PCP2: variants seen among roughly 807,000 people sequenced by gnomAD.
The protein encoded by PCP2 is Purkinje cell protein 2 homolog.
A neutral mutation model predicts 18.3 loss-of-function variants in PCP2; 21 were observed. That is an observed-to-expected ratio of 1.14 (90% CI 0.81 to 1.65). PCP2 has a LOEUF of 1.65. Among genes scored for constraint, PCP2 ranks in the 40% most tolerant of loss-of-function variants. The probability of loss-of-function intolerance (pLI) is 0.00; values close to 1 mark genes in which losing one functional copy is unlikely to be tolerated. For synonymous variants in PCP2, 85 were observed against 77.6 expected, an observed-to-expected ratio of 1.10 and a Z score of -0.50; for missense variants, 202 against 201.8, an observed-to-expected ratio of 1.00 and a Z score of 0.00.
At position 7,632,750 on chromosome 19, in the gene PCP2, T is replaced by G. The variant is rs1163001222; in HGVS notation, c.132A>C (p.Ser44=). 1 of 1,566,268 alleles carries G rather than the reference T, an allele frequency of 6.4e-7. No homozygotes were observed. The highest frequency in any genetic ancestry group is 8.6e-7 in the Non-Finnish European group (1 of 1,160,446). The change falls in exon 2 of 4, where the codon TCA becomes TCC. Residue 44 remains serine, a synonymous_variant. Transcript: ENST00000311069. The surrounding 1 kb of genome is among the most constrained non-coding windows in gnomAD (Gnocchi z 5.2). The part of the protein sequence containing the change: ...QGDRMEGQRC[S]LQAGPGQTTK... ...TGGTCTGGCCCGGCCCGGCTTGCAG[T>G]GAACAGCGCTGTCCCTCCATCCGGT...
In PCP2 at chr19:7,632,416, C is replaced by CG; in HGVS notation, c.267dup (p.Gly90ArgfsTer51). The stretch of plus-strand genomic sequence containing the variant: ...ACCTTGGACCCCACGGGCTGGAAGC[C>CG]GGGCAGGCTGCTGACTGTCACACGT... On this transcript the variant is annotated frameshift_variant, in exon 3 of 4. Transcript: ENST00000311069. LOFTEE classifies it high-confidence loss of function. The surrounding 1 kb of genome is among the most constrained non-coding windows in gnomAD (Gnocchi z 5.2). 6.2e-7 allele frequency: 1 copy of CG among 1,613,920 alleles called. No homozygotes were observed. Among genetic ancestry groups the CG allele is most frequent in the African/African-American group, 1.3e-5 (1 of 75,008 alleles).
upstream of PCP2, among the ~76,000 whole-genome samples, chr19:7,635,113 G>C (rs540492392): frequency 7.0e-4 from 106 of 152,320 alleles, no homozygotes; most frequent in African/African-American, 2.5e-3. Flanking sequence ...TTGGGGGTTA[G>C]TGGTGGGGTG....
chr19:7,632,631 G>A lies in PCP2; in HGVS notation c.166+85C>T. ...TGCACAACCACCTCCCACATCCCGT[G>A]CCCCCAGGCCCTCCAGATGACCACT... On this transcript the variant is annotated intron_variant, in intron 2 of 3. Transcript: ENST00000311069. This position sits in a 1 kb window ranked among gnomAD's most constrained non-coding sequence, Gnocchi z 5.2. The A allele has an allele frequency of 6.4e-7, 1 of 1,573,762 alleles. No individual in the cohort carries two copies. Among genetic ancestry groups the A allele is most frequent in the Non-Finnish European group, 8.6e-7 (1 of 1,161,938 alleles).
rs748516688 is a variant in PCP2 at position 7,633,288 on chromosome 19, A to G, written c.51+119T>C. ...CCACCAGCCCCTTTCTACAGCCACA[A>G]CTGGGTCAGGGGGTCCTAGGAGACT... On this transcript the variant is annotated intron_variant, in intron 1 of 3. Transcript: ENST00000311069. 106 of 1,067,026 alleles carry G rather than the reference A, an allele frequency of 9.9e-5. 1 individual carries two copies. In the Middle Eastern group the frequency reaches 3.5e-3, roughly 35 times the overall value. 66.1% of individuals were successfully genotyped at this position (1,067,026 alleles called of 1,614,324 possible). A position where few individuals can be genotyped will look rare whatever the true frequency, so the allele number is the denominator to read the frequency against.
upstream of PCP2, among the ~76,000 whole-genome samples, chr19:7,635,199 C>T (rs1457733516): frequency 5.3e-5 from 8 of 152,196 alleles, no homozygotes; most frequent in Admixed American, 5.2e-4. Flanking sequence ...TCCATCCCCC[C>T]AGGATCTGGA....
chr19:7,633,540 G>A lies in PCP2; in HGVS notation c.-83C>T, dbSNP rs941320296. The stretch of plus-strand genomic sequence containing the variant: ...GGCCTTTTAAACGTCCAGGACGTGG[G>A]GGTGTGGATTCCCCCCATCCCCAAA... On this transcript the variant is annotated 5_prime_UTR_variant, in exon 1 of 4. Transcript: ENST00000311069. 2.9e-6 allele frequency: 4 copies of A among 1,379,926 alleles called. No homozygotes were observed. Among genetic ancestry groups the A allele is most frequent in the African/African-American group, 1.4e-5 (1 of 69,750 alleles). 85.5% of individuals were successfully genotyped at this position (1,379,926 alleles called of 1,614,324 possible).
chr19:7,632,400 C>A lies in PCP2; in HGVS notation c.284G>T (p.Gly95Val). ...VSSLPGFQPV[G>V]SKDGAQKRAG... ...CGCCAGAACATCACCTACCTTGGAC[C>A]CCACGGGCTGGAAGCCGGGCAGGCT... Residue 95 changes from glycine to valine, a missense_variant, in exon 3 of 4, where the codon GGG becomes GTG. Gly to Val is a moderately radical substitution (Grantham distance 109). Coordinates refer to ENST00000311069, the MANE Select transcript of PCP2 (RefSeq NM_174895.3). The surrounding 1 kb of genome is among the most constrained non-coding windows in gnomAD (Gnocchi z 5.2). 6.2e-7 allele frequency: 1 copy of A among 1,613,928 alleles called. No individual in the cohort carries two copies.
At chr19:7,634,865 C>T (rs1337849128), upstream of PCP2, among the ~76,000 whole-genome samples, 4 of 152,170 alleles carry the variant, frequency 2.6e-5, no homozygotes, top group Non-Finnish European at 4.4e-5. Flanking sequence ...TCCCTGCCTC[C>T]GTGGTCACAT....
chr19:7,636,958 G>A, upstream of PCP2: 2 of 484,784 alleles, frequency 4.1e-6, no homozygotes, highest in Non-Finnish European at 6.5e-6. Context: ...TCGGCAGCGC[G>A]GACGCACCTG....
Position 7,631,734 on chromosome 19 carries a change from G to A in PCP2, c.366C>T (p.Gly122=). 6.9e-7 allele frequency: 1 copy of A among 1,448,086 alleles called. No homozygotes were observed. The highest frequency in any genetic ancestry group is 1.6e-5 in the South Asian group (1 of 63,822). The allele number at this position is 1,448,086 out of a possible 1,614,324, so 89.7% of individuals were successfully genotyped here. ...LLTPQDPTAL[G]FRRNSSPQPP... Reference sequence around the variant, plus strand: ...GCTGGGGGCTGCTGTTCCGACGGAAGCCGAGAGCGGTCGGGTCCTGAGGGG... The same window carrying A: ...GCTGGGGGCTGCTGTTCCGACGGAAACCGAGAGCGGTCGGGTCCTGAGGGG... Residue 122 remains glycine, a synonymous_variant, in exon 4 of 4, where the codon GGC becomes GGT. Coordinates refer to ENST00000311069, the MANE Select transcript of PCP2 (RefSeq NM_174895.3).
At position 7,633,201 on chromosome 19, in the gene PCP2, A is replaced by G. The variant is rs60073905; in HGVS notation, c.51+206T>C. Reference sequence around the variant, plus strand: ...CCCCAGGTCCCAGCATCTCCCATCAATAGGGGTCCACACGGAGAGCCCTGC... The same window carrying G: ...CCCCAGGTCCCAGCATCTCCCATCAGTAGGGGTCCACACGGAGAGCCCTGC... On this transcript the variant is annotated intron_variant, in intron 1 of 3. Coordinates refer to ENST00000311069, the MANE Select transcript of PCP2 (RefSeq NM_174895.3). Among the ~76,000 whole-genome samples, 499 of 152,284 alleles carry G rather than the reference A, an allele frequency of 3.3e-3. 4 individuals carry two copies. Among genetic ancestry groups the G allele is most frequent in the African/African-American group, 0.011 (462 of 41,562 alleles).
upstream of PCP2, among the ~76,000 whole-genome samples, chr19:7,634,851 T>C (rs929677155): frequency 1.3e-5 from 2 of 152,174 alleles, no homozygotes; most frequent in African/African-American, 4.8e-5. Context: ...CTGCAGCTCT[T>C]CACTCCCTGC....
chr19:7,633,391 G>A lies in PCP2; in HGVS notation c.51+16C>T, dbSNP rs1014318355. ...GACCTTGAGCTGGGGGTGGGGTGGG[G>A]GCAGGGCCCTCTCACCTCGGCACAG... is the stretch of plus-strand genomic sequence containing the variant. On this transcript the variant is annotated intron_variant, in intron 1 of 3. Coordinates refer to ENST00000311069, the MANE Select transcript of PCP2 (RefSeq NM_174895.3). 33 of 1,563,686 alleles carry A rather than the reference G, an allele frequency of 2.1e-5. No individual in the cohort carries two copies. Among genetic ancestry groups the A allele is most frequent in the Admixed American group, 9.5e-5 (5 of 52,620 alleles).
chr19:7,632,101 C>T lies in PCP2; in HGVS notation c.291+292G>A, dbSNP rs1245839256. 14 of 565,066 alleles carry T rather than the reference C, an allele frequency of 2.5e-5. No homozygotes were observed. Among genetic ancestry groups the T allele is most frequent in the South Asian group, 7.6e-5 (3 of 39,624 alleles). 35.0% of individuals were successfully genotyped at this position (565,066 alleles called of 1,614,324 possible). On this transcript the variant is annotated intron_variant, in intron 3 of 3. Transcript: ENST00000311069. This position sits in a 1 kb window ranked among gnomAD's most constrained non-coding sequence, Gnocchi z 5.2. ...TGTGTGAGCTTACGTGACTTCCTCCCTGGGATACTTTCCTAGGAAGGGGTC... is the reference window on the plus strand; with the variant it reads ...TGTGTGAGCTTACGTGACTTCCTCCTTGGGATACTTTCCTAGGAAGGGGTC...
chr19:7,631,897 C>A, intron 3 of PCP2, 89 bp from the exon 4 acceptor site: 1 of 1,215,976 alleles, frequency 8.2e-7, no homozygotes, highest in Admixed American at 3.0e-5. Flanking sequence ...TGCAGGTAGC[C>A]ACCGTGTCCC....
At chr19:7,636,866 T>A (rs2031555062), upstream of PCP2, 3 of 372,460 alleles carry the variant, frequency 8.1e-6, no homozygotes, top group African/African-American at 6.3e-5. Flanking sequence ...CGATCCTGCT[T>A]CGCACGCAAG....
upstream of PCP2, among the ~76,000 whole-genome samples, chr19:7,634,926 C>T (rs577082555): frequency 2.0e-5 from 3 of 152,190 alleles, no homozygotes; most frequent in African/African-American, 7.2e-5. Flanking sequence ...CCCCACCCCC[C>T]CAACCACCTA....
At chr19:7,636,076 C>T (rs533162790), upstream of PCP2, among the ~76,000 whole-genome samples, 1 of 152,302 alleles carries the variant, frequency 6.6e-6, no homozygotes, top group South Asian at 2.1e-4. Flanking sequence ...CCCCTACCTT[C>T]TGTGGCACTT....
Position 7,632,865 on chromosome 19 carries a change from C to T in PCP2, c.52-35G>A. 6.5e-7 allele frequency: 1 copy of T among 1,537,774 alleles called. No individual in the cohort carries two copies. Among genetic ancestry groups the T allele is most frequent in the Non-Finnish European group, 8.7e-7 (1 of 1,144,328 alleles). On this transcript the variant is annotated intron_variant, in intron 1 of 3. Transcript: ENST00000311069. The surrounding 1 kb of genome is among the most constrained non-coding windows in gnomAD (Gnocchi z 5.2). Reference sequence around the variant, plus strand: ...GACTCGCTCAGTCTGGTTGGCCCTTCAGCTTGGGGGCCCCTCCCCAAACTT... The same window carrying T: ...GACTCGCTCAGTCTGGTTGGCCCTTTAGCTTGGGGGCCCCTCCCCAAACTT...
Sources: gnomAD v4.1 joint callset for allele counts (sites outside exome capture counted in the v4.1 genomes callset) on GRCh38, gnomAD v4.1.1 for gene constraint, Gnocchi (gnomAD v3.1) non-coding constraint, MANE v1.5 for transcripts, NCBI Gene and HGNC (gene_info 2026-07-23, HGNC 2026-07-21) for gene names.